The following CADPS variants were observed in gnomAD, a reference collection of about 807,000 sequenced individuals.
The protein encoded by CADPS is calcium dependent secretion activator.
In CADPS, 57 loss-of-function variants were observed where a neutral mutation model predicts 167.3. The ratio of observed to expected loss-of-function variants is 0.34; its 90% CI spans 0.28 to 0.42. The LOEUF (loss-of-function observed/expected upper bound fraction) is 0.42, where lower values mean the gene tolerates loss of function less well. Ranked by LOEUF, CADPS falls within the 20% of genes least tolerant of loss-of-function variation. The pLI, the probability that CADPS is intolerant of heterozygous loss-of-function variation, is 1.00. For missense variants in CADPS, 1,414 were observed against 1,738.1 expected (o/e 0.81, Z 3.32); for synonymous variants, 676 against 635.3 (o/e 1.06, Z -0.96).
intron 26 of CADPS, among the ~76,000 whole-genome samples, chr3:62,457,491 A>G (rs1335253090): frequency 6.6e-6 from 1 of 152,280 alleles, no homozygotes; most frequent in Non-Finnish European, 1.5e-5. Context: ...GCATTAAAAT[A>G]AAACACAAAA....
rs1421582651 is a variant in CADPS at position 62,420,833 on chromosome 3, T to C, written c.3777+17271A>G. 6.6e-6 allele frequency among the ~76,000 whole-genome samples: 1 copy of C among 150,610 alleles called. No homozygotes were observed. The highest frequency in any genetic ancestry group is 1.5e-5 in the Non-Finnish European group (1 of 67,802). Reference sequence around the variant, plus strand: ...TACTTCTCACTGCATATGACTCTATTTTTTTTCTCTTTATGGGAGGGAGAA... The same window carrying C: ...TACTTCTCACTGCATATGACTCTATCTTTTTTCTCTTTATGGGAGGGAGAA... On this transcript the variant is annotated intron_variant, in intron 28 of 29. Transcript: ENST00000383710. The surrounding 1 kb of genome is among the most constrained non-coding windows in gnomAD (Gnocchi z 4.1).
At chr3:62,562,985 G>A (rs966914268) in intron 9 of CADPS, among the ~76,000 whole-genome samples, 1 of 152,208 alleles carries the variant, frequency 6.6e-6, no homozygotes, top group African/African-American at 2.4e-5. Flanking sequence ...GCCTGAGGGT[G>A]AAGTCAATTC....
intron 6 of CADPS, among the ~76,000 whole-genome samples, chr3:62,603,255 T>C (rs1484396265): frequency 6.6e-6 from 1 of 152,196 alleles, no homozygotes; most frequent in Non-Finnish European, 1.5e-5. Context: ...CACACACAAA[T>C]GTGTGGAGAT....
intron 1 of CADPS, among the ~76,000 whole-genome samples, chr3:62,825,121 G>A (rs979021911): frequency 1.3e-5 from 2 of 152,084 alleles, no homozygotes; most frequent in African/African-American, 4.8e-5. Context: ...GTTCTACATT[G>A]CTTGTTTAGA....
intron 9 of CADPS, among the ~76,000 whole-genome samples, chr3:62,557,975 G>A (rs750394538): frequency 6.6e-6 from 1 of 152,212 alleles, no homozygotes; most frequent in Non-Finnish European, 1.5e-5. Flanking sequence ...TACAACATGG[G>A]CCTTTTGGTC....
intron 1 of CADPS, among the ~76,000 whole-genome samples, chr3:62,795,389 C>T (rs572905487): frequency 6.6e-6 from 1 of 152,192 alleles, no homozygotes; most frequent in Admixed American, 6.5e-5. Flanking sequence ...ATGTAAGCTC[C>T]ATGAGGTAGG....
intron 2 of CADPS, among the ~76,000 whole-genome samples, chr3:62,764,364 G>A (rs994046104): frequency 1.3e-5 from 2 of 152,138 alleles, no homozygotes; most frequent in Non-Finnish European, 2.9e-5. Flanking sequence ...AAAGCAGCAA[G>A]TTTGACACTC....
intron 11 of CADPS, among the ~76,000 whole-genome samples, chr3:62,542,695 A>T (rs1232191115): frequency 1.3e-5 from 2 of 152,184 alleles, no homozygotes; most frequent in African/African-American, 2.4e-5. Flanking sequence ...GAAGCTCTCA[A>T]GGCTCACATT....
rs2078190362 is a variant in CADPS at position 62,732,833 on chromosome 3, G to T, written c.888+20608C>A. 1.3e-5 allele frequency among the ~76,000 whole-genome samples: 2 copies of T among 152,138 alleles called. 1 individual carries two copies. Among genetic ancestry groups the T allele is most frequent in the African/African-American group, 4.8e-5 (2 of 41,430 alleles). ...TATAAGGGAGATAATACTCTGTCAG[G>T]CAGTCAGAGAAGGCAGGAAGTGAGG... On this transcript the variant is annotated intron_variant, in intron 3 of 29. Coordinates refer to ENST00000383710, the MANE Select transcript of CADPS (RefSeq NM_003716.4).
chr3:62,659,919 C>T lies in CADPS; in HGVS notation c.969+2395G>A, dbSNP rs949676759. On this transcript the variant is annotated intron_variant, in intron 4 of 29. Transcript: ENST00000383710. ...AACCCTCAATACCCTAGACAGGGACCCTCCATATATACTGAAATCATTTTC... is the reference window on the plus strand; with the variant it reads ...AACCCTCAATACCCTAGACAGGGACTCTCCATATATACTGAAATCATTTTC... Among the ~76,000 whole-genome samples, 6 of 152,266 alleles carry T rather than the reference C, an allele frequency of 3.9e-5. No individual in the cohort carries two copies. The South Asian group carries it at 8.3e-4, about 21-fold the overall frequency.
chr3:62,513,589 A>G (rs1335904559), intron 16 of CADPS: 1 of 1,225,222 alleles, frequency 8.2e-7, no homozygotes, highest in Non-Finnish European at 1.2e-6. Flanking sequence ...TGAAATAATG[A>G]AAACAGAAAG....
intron 1 of CADPS, 21 bp from the exon 2 acceptor site, chr3:62,766,005 G>T: frequency 6.5e-7 from 1 of 1,543,632 alleles, no homozygotes; most frequent in Non-Finnish European, 9.0e-7. Context: ...CAGAAAAAGA[G>T]GGAAATGTGA....
chr3:62,783,024 T>C (rs1041987318), intron 1 of CADPS, among the ~76,000 whole-genome samples: 1 of 152,176 alleles, frequency 6.6e-6, no homozygotes, highest in Non-Finnish European at 1.5e-5. Flanking sequence ...CTTCCGAAAG[T>C]GCTGGGATTA....
At chr3:62,509,503 C>G (rs1012236740) in intron 17 of CADPS, among the ~76,000 whole-genome samples, 5 of 152,044 alleles carry the variant, frequency 3.3e-5, no homozygotes, top group Non-Finnish European at 7.4e-5. Flanking sequence ...TTCTCTTTCT[C>G]TCTTTCAACA....
At chr3:62,407,851 A>G (rs1039509442) in intron 28 of CADPS, among the ~76,000 whole-genome samples, 4 of 152,148 alleles carry the variant, frequency 2.6e-5, no homozygotes, top group African/African-American at 9.7e-5. Flanking sequence ...CTCCTGCCTC[A>G]GCCTCCTGAG....
At chr3:62,803,025 G>C (rs1305097675) in intron 1 of CADPS, among the ~76,000 whole-genome samples, 2 of 152,180 alleles carry the variant, frequency 1.3e-5, no homozygotes, top group African/African-American at 4.8e-5. Context: ...ACTTAGGAAA[G>C]GACAGGGCTG....
At chr3:62,607,507 A>G (rs1169681150) in intron 6 of CADPS, among the ~76,000 whole-genome samples, 2 of 152,258 alleles carry the variant, frequency 1.3e-5, no homozygotes, top group Non-Finnish European at 1.5e-5. Context: ...AGCCAACCTC[A>G]GTAGCACTTG....
At chr3:62,800,239 T>C (rs2093680818) in intron 1 of CADPS, among the ~76,000 whole-genome samples, 1 of 152,138 alleles carries the variant, frequency 6.6e-6, no homozygotes, top group Non-Finnish European at 1.5e-5. Flanking sequence ...GGAAGCTCAG[T>C]GGAGTAAAAT....
chr3:62,809,210 A>T (rs1378140267), intron 1 of CADPS, among the ~76,000 whole-genome samples: 1 of 152,120 alleles, frequency 6.6e-6, no homozygotes, highest in East Asian at 1.9e-4. Context: ...GATGTTAGTG[A>T]TCTTTAAAAA....
Sources: gnomAD v4.1 joint callset for allele counts (sites outside exome capture counted in the v4.1 genomes callset) on GRCh38, gnomAD v4.1.1 for gene constraint, Gnocchi (gnomAD v3.1) non-coding constraint, MANE v1.5 for transcripts, NCBI Gene and HGNC (gene_info 2026-07-23, HGNC 2026-07-21) for gene names.